The following CD300LG variants were observed in gnomAD, a reference collection of about 807,000 sequenced individuals.
The protein encoded by CD300LG is CD300 molecule like family member g.
A neutral mutation model predicts 31.5 loss-of-function variants in CD300LG; 29 were observed. That is an observed-to-expected ratio of 0.92 (90% CI 0.68 to 1.25). CD300LG has a LOEUF of 1.25. Ranked by LOEUF, CD300LG falls within the 50% of genes most tolerant of loss-of-function variation. The probability of loss-of-function intolerance (pLI) is 0.00; values close to 1 mark genes in which losing one functional copy is unlikely to be tolerated. For missense variants in CD300LG, 396 were observed against 417.6 expected (o/e 0.95, Z 0.45); for synonymous variants, 175 against 177.2 (o/e 0.99, Z 0.10).
intron 6 of CD300LG, chr17:43,861,298 C>T: frequency 3.0e-6 from 3 of 985,138 alleles, no homozygotes; most frequent in Non-Finnish European, 3.6e-6. Flanking sequence ...GAGGAGCCAC[C>T]TTGCCTGCCT....
intron 2 of CD300LG, among the ~76,000 whole-genome samples, chr17:43,850,603 T>C (rs2046320047): frequency 6.6e-6 from 1 of 152,034 alleles, no homozygotes; most frequent in Non-Finnish European, 1.5e-5. Context: ...CCAGAGTAGC[T>C]GGGACCACAG....
intron 2 of CD300LG, 127 bp downstream of exon 2, chr17:43,849,020 A>C: frequency 1.2e-6 from 1 of 842,700 alleles, no homozygotes; most frequent in Non-Finnish European, 1.8e-6. Context: ...ATGCAGGTCA[A>C]GCACCGAGCA....
intron 2 of CD300LG, among the ~76,000 whole-genome samples, chr17:43,852,082 G>C (rs1004223613): frequency 2.0e-5 from 3 of 152,174 alleles, no homozygotes; most frequent in Non-Finnish European, 4.4e-5. Flanking sequence ...TCCAAGGCAC[G>C]GAGGTGGGCA....
chr17:43,849,227 G>A, intron 2 of CD300LG: 1 of 462,366 alleles, frequency 2.2e-6, no homozygotes, highest in Non-Finnish European at 3.8e-6. Flanking sequence ...CATATCAGGG[G>A]ATAAAGAAGA....
In CD300LG at chr17:43,862,857, A is replaced by G. The variant is rs1189104176; in HGVS notation, c.*946A>G. The G allele has an allele frequency of 6.6e-6, 1 of 152,158 alleles. No individual in the cohort carries two copies. The highest frequency in any genetic ancestry group is 1.5e-5 in the Non-Finnish European group (1 of 68,058). 9.4% of individuals were successfully genotyped at this position (152,158 alleles called of 1,614,324 possible). ...CTTGTCTGGAAAGGGTTACTTGCCT[A>G]TGGGTTCTGGTGGCTAGAGAGAAAA... On this transcript the variant is annotated 3_prime_UTR_variant, in exon 7 of 7. Transcript: ENST00000317310.
Position 43,862,685 on chromosome 17 carries a change from C to A in CD300LG, c.*774C>A, listed in dbSNP as rs995218244. ...GATCCAGCTGGGGACTCCCCTGAGG[C>A]CTGCCTAAGTCCAGGCCTTGGTCAG... On this transcript the variant is annotated 3_prime_UTR_variant, in exon 7 of 7. Transcript: ENST00000317310. 6.6e-6 allele frequency: 1 copy of A among 152,258 alleles called. No individual in the cohort carries two copies. Among genetic ancestry groups the A allele is most frequent in the African/African-American group, 2.4e-5 (1 of 41,450 alleles). The allele number at this position is 152,258 out of a possible 1,614,324, so 9.4% of individuals were successfully genotyped here. A position where few individuals can be genotyped will look rare whatever the true frequency, so the allele number is the denominator to read the frequency against.
intron 6 of CD300LG, among the ~76,000 whole-genome samples, chr17:43,859,511 TG>T (rs2046610471): frequency 6.6e-6 from 1 of 152,234 alleles, no homozygotes; most frequent in Non-Finnish European, 1.5e-5. Context: ...GTGTGCCGTT[TG>T]GCCTCTGCAC....
At position 43,857,163 on chromosome 17, in the gene CD300LG, A is replaced by G; in HGVS notation, c.885+7A>G. On this transcript the variant is annotated splice_region_variant and intron_variant, in intron 6 of 6. Transcript: ENST00000317310. ...GTTCTGCCTCTCACGCTTGGTAAGGACAGAGGCATATGGAAGCCCAAGCTC... is the reference window on the plus strand; with the variant it reads ...GTTCTGCCTCTCACGCTTGGTAAGGGCAGAGGCATATGGAAGCCCAAGCTC... 6.2e-7 allele frequency: 1 copy of G among 1,614,026 alleles called. No individual in the cohort carries two copies. The highest frequency in any genetic ancestry group is 8.5e-7 in the Non-Finnish European group (1 of 1,179,946).
chr17:43,851,398 C>T (rs184819351), intron 2 of CD300LG, among the ~76,000 whole-genome samples: 41 of 152,226 alleles, frequency 2.7e-4, no homozygotes, highest in Admixed American at 2.4e-3. Context: ...GATGCTGAAT[C>T]GGCAGATATA....
chr17:43,857,834 A>AGGT (rs754700645), intron 6 of CD300LG: 1 of 1,537,240 alleles, frequency 6.5e-7, no homozygotes, highest in South Asian at 1.2e-5. Context: ...TCTGAGACCA[A>AGGT]GGTGGTGTGG....
rs886790843 is a variant in CD300LG at position 43,858,027 on chromosome 17, A to AGCCCCTCCTG, written c.885+881_885+890dup. On this transcript the variant is annotated intron_variant, in intron 6 of 6. Transcript: ENST00000317310. ...GCAGCATCGCACTTCAGGCAACAGA[A>AGCCCCTCCTG]GCCCCTCCTGGCCCCTCCTCCCTCT... is the stretch of plus-strand genomic sequence containing the variant. The AGCCCCTCCTG allele has an allele frequency of 4.1e-6, 6 of 1,451,358 alleles. No individual in the cohort carries two copies. The Admixed American group carries it at 1.6e-4, about 38-fold the overall frequency. The allele number at this position is 1,451,358 out of a possible 1,614,324, so 89.9% of individuals were successfully genotyped here.
rs935324202 is a variant in CD300LG at position 43,847,214 on chromosome 17, A to G, written c.-3A>G. ...TCTGCTCCCACGGTGTCCAGCGCCCAGAATGCGGCTTCTGGTCCTGCTATG... is the reference window on the plus strand; with the variant it reads ...TCTGCTCCCACGGTGTCCAGCGCCCGGAATGCGGCTTCTGGTCCTGCTATG... On this transcript the variant is annotated 5_prime_UTR_variant, in exon 1 of 7. Transcript: ENST00000317310. 1.8e-5 allele frequency: 29 copies of G among 1,613,936 alleles called. No individual in the cohort carries two copies. The highest frequency in any genetic ancestry group is 2.4e-5 in the Non-Finnish European group (28 of 1,179,904).
intron 6 of CD300LG, chr17:43,861,100 A>G (rs1196249467): frequency 1.0e-6 from 1 of 985,270 alleles, no homozygotes; most frequent in Non-Finnish European, 1.2e-6. Context: ...CCTGCTGCCA[A>G]GAACAGGCTG....
rs2046400204 is a variant in CD300LG, at chr17:43,852,884, C to T, written c.380-28C>T. The stretch of plus-strand genomic sequence containing the variant: ...AAAGGGGTTCAGAGCGGTGCCACCC[C>T]TGAGAGCAGCCTTTCCCTTTCCTCT... On this transcript the variant is annotated intron_variant, in intron 2 of 6. Transcript: ENST00000317310. 2.5e-6 allele frequency: 4 copies of T among 1,579,928 alleles called. No individual in the cohort carries two copies. In the South Asian group the frequency reaches 3.4e-5, roughly 13 times the overall value.
intron 6 of CD300LG, chr17:43,857,787 C>T (rs991706683): frequency 6.5e-7 from 1 of 1,537,242 alleles, no homozygotes; most frequent in Non-Finnish European, 8.7e-7. Context: ...CTTCTCTTTC[C>T]AGAACTCCCT....
chr17:43,853,702 A>G (rs2046425329), intron 3 of CD300LG, 105 bp from the exon 4 acceptor site: 3 of 883,856 alleles, frequency 3.4e-6, no homozygotes, highest in Non-Finnish European at 5.4e-6. Flanking sequence ...GTTCCGAGAA[A>G]CGGGTCCCAG....
Position 43,848,853 on chromosome 17 carries a change from C to T in CD300LG, c.339C>T (p.Gly113=). Residue 113 remains glycine, a synonymous_variant, in exon 2 of 7, where the codon GGC becomes GGT. Transcript: ENST00000317310. ...ACTGGTGTGGGGTCGAAAAACGGGG[C>T]CCCGATGAGTCTTTACTGATCTCTC... ...GEYWCGVEKR[G]PDESLLISLF... 6.2e-7 allele frequency: 1 copy of T among 1,614,048 alleles called. No homozygotes were observed. The highest frequency in any genetic ancestry group is 1.3e-5 in the African/African-American group (1 of 74,996).
intron 5 of CD300LG, 36 bp from the exon 6 acceptor site, chr17:43,857,068 G>A: frequency 6.2e-7 from 1 of 1,612,092 alleles, no homozygotes; most frequent in Non-Finnish European, 8.5e-7. Flanking sequence ...GGCTACTCCT[G>A]GCTTCAAGGG....
intron 2 of CD300LG, among the ~76,000 whole-genome samples, chr17:43,851,069 G>A (rs1211332409): frequency 4.0e-5 from 6 of 150,158 alleles, no homozygotes; most frequent in Admixed American, 1.3e-4. Flanking sequence ...GGGAGGCGGA[G>A]GTTGCAGTGA....
Sources: allele counts gnomAD v4.1 joint callset (sites outside exome capture counted in the v4.1 genomes callset), GRCh38; gene constraint gnomAD v4.1.1; transcripts MANE v1.5; gene names NCBI Gene and HGNC (gene_info 2026-07-23, HGNC 2026-07-21).